HEG1: variants seen among roughly 807,000 people sequenced by gnomAD.
HEG1 encodes protein HEG homolog 1.
HEG1 carries 56 observed loss-of-function variants against 125.6 expected under a neutral mutation model. The ratio of observed to expected loss-of-function variants is 0.45; its 90% CI spans 0.36 to 0.56. The LOEUF is 0.56. Ranked by LOEUF, HEG1 falls within the 20% of genes least tolerant of loss-of-function variation. The pLI is 0.00. For missense variants in HEG1, 1,523 were observed against 1,670.0 expected, an observed-to-expected ratio of 0.91 and a Z score of 1.53; for synonymous variants, 644 against 668.5, an observed-to-expected ratio of 0.96 and a Z score of 0.57.
At chr3:125,028,809 C>T (rs1221606178) in intron 2 of HEG1, among the ~76,000 whole-genome samples, 2 of 152,178 alleles carry the variant, frequency 1.3e-5, no homozygotes, top group Non-Finnish European at 2.9e-5. Flanking sequence ...AATAGCAAAC[C>T]ACCAAGCTGT....
rs1937922323 is a variant in HEG1, at chr3:125,055,688, G to A, written c.203C>T (p.Pro68Leu). The A allele has an allele frequency of 9.0e-6, 10 of 1,115,704 alleles. No homozygotes were observed. The highest frequency in any genetic ancestry group is 1.7e-5 in the African/African-American group (1 of 60,088). The allele number at this position is 1,115,704 out of a possible 1,614,324, so 69.1% of individuals were successfully genotyped here. Residue 68 changes from proline (P) to leucine (L), a missense_variant, in exon 1 of 17, where the codon CCG (proline) becomes CTG (leucine). By Grantham distance (98) the Pro-to-Leu change is moderately conservative. Coordinates refer to ENST00000311127, the MANE Select transcript of HEG1 (RefSeq NM_020733.2). ...RRPEREPPPTPPRERRGPATP... is the reference protein window; with the variant it reads ...RRPEREPPPTLPRERRGPATP... ...CGCGGGCCCGCGGCGCTCCCGGGGC[G>A]GCGTGGGCGGCGGCTCGCGCTCCGG...
rs769007614 is a variant in HEG1, at chr3:125,055,810, GGCC to G, written c.78_80del (p.Ala27del). 3,504 of 981,274 alleles carry G rather than the reference GGCC, an allele frequency of 3.6e-3. 88 individuals carry two copies. The East Asian group carries it at 0.11, about 32-fold the overall frequency. The allele number at this position is 981,274 out of a possible 1,614,324, so 60.8% of individuals were successfully genotyped here. A position where few individuals can be genotyped will look rare whatever the true frequency, so the allele number is the denominator to read the frequency against. On this transcript the variant is annotated inframe_deletion, in exon 1 of 17. Coordinates refer to ENST00000311127, the MANE Select transcript of HEG1 (RefSeq NM_020733.2). The stretch of plus-strand genomic sequence containing the variant: ...AAGGCGGCGGGTCCCGCGTCCCGGG[GGCC>G]GCCGGCGGCAGCAGCAGCAGCGGCA...
At chr3:125,050,424 G>A (rs544159455) in intron 1 of HEG1, among the ~76,000 whole-genome samples, 92 of 152,248 alleles carry the variant, frequency 6.0e-4, no homozygotes, top group African/African-American at 2.0e-3. Flanking sequence ...GATTACAGGC[G>A]TGAGCCATCA....
intron 5 of HEG1, among the ~76,000 whole-genome samples, chr3:125,017,380 T>C (rs1489060081): frequency 6.6e-6 from 1 of 152,148 alleles, no homozygotes; most frequent in Non-Finnish European, 1.5e-5. Flanking sequence ...AATTTAATAA[T>C]AAAAAGTCAA....
rs558880208 is a variant in HEG1 at position 124,978,000 on chromosome 3, G to T, written c.3734-54C>A. On this transcript the variant is annotated intron_variant, in intron 14 of 16. Coordinates refer to ENST00000311127, the MANE Select transcript of HEG1 (RefSeq NM_020733.2). ...TTGGCTGGAGGTAATGAAGGAATGA[G>T]TGAGTTCTCAAGAATGGTCTCCCCT... 81 of 1,347,308 alleles carry T rather than the reference G, an allele frequency of 6.0e-5. 1 individual carries two copies. The South Asian group carries it at 9.4e-4, about 16-fold the overall frequency. 83.5% of individuals were successfully genotyped at this position (1,347,308 alleles called of 1,614,324 possible). A position where few individuals can be genotyped will look rare whatever the true frequency, so the allele number is the denominator to read the frequency against.
chr3:124,984,141 T>C (rs369091729), intron 14 of HEG1, among the ~76,000 whole-genome samples: 38 of 152,262 alleles, frequency 2.5e-4, no homozygotes, highest in African/African-American at 7.7e-4. Flanking sequence ...TGAACACAAC[T>C]GAAAGACACC....
chr3:125,024,190 A>G (rs968099492), intron 3 of HEG1, among the ~76,000 whole-genome samples: 9 of 152,224 alleles, frequency 5.9e-5, no homozygotes, highest in Middle Eastern at 3.2e-3. Context: ...CAATTTCCAC[A>G]AAACAGCAAT....
At position 125,013,368 on chromosome 3, in the gene HEG1, G is replaced by T. The variant is rs202031121; in HGVS notation, c.2211C>A (p.Thr737=). Residue 737 remains threonine (T), a synonymous_variant, in exon 6 of 17, where the codon ACC becomes ACA. Coordinates refer to ENST00000311127, the MANE Select transcript of HEG1 (RefSeq NM_020733.2). ...CAGGGGTAGAAGATGACTGTGGCAA[G>T]GTTGTTTGTGAGACAGAAAGTGGGG... The part of the protein sequence containing the change: ...TSAPLSVSQT[T]LPQSSSTPVL... 288 of 1,613,878 alleles carry T rather than the reference G, an allele frequency of 1.8e-4. 1 individual carries two copies. Among genetic ancestry groups the T allele is most frequent in the Middle Eastern group, 1.2e-3 (7 of 6,084 alleles).
intron 16 of HEG1, among the ~76,000 whole-genome samples, chr3:124,971,371 G>A (rs1224035319): frequency 6.6e-6 from 1 of 152,112 alleles, no homozygotes; most frequent in Non-Finnish European, 1.5e-5. Flanking sequence ...TCTACAGACT[G>A]CTCAGCCAGC....
chr3:124,999,058 G>A (rs1372566840), intron 11 of HEG1, among the ~76,000 whole-genome samples: 1 of 152,186 alleles, frequency 6.6e-6, no homozygotes, highest in East Asian at 1.9e-4. Flanking sequence ...GCCCAGGCAG[G>A]TTTTGGTGAC....
intron 5 of HEG1, among the ~76,000 whole-genome samples, chr3:125,015,255 T>G (rs1018073198): frequency 2.6e-5 from 4 of 152,166 alleles, no homozygotes; most frequent in African/African-American, 2.4e-5. Flanking sequence ...CTTTAGCAAA[T>G]AGGATCGATA....
intron 8 of HEG1, among the ~76,000 whole-genome samples, chr3:125,007,311 T>C (rs901372168): frequency 1.3e-5 from 2 of 151,374 alleles, no homozygotes; most frequent in African/African-American, 4.9e-5. Flanking sequence ...TATAAAGATA[T>C]ATCAGTTTCA....
Position 124,970,459 on chromosome 3 carries a change from C to G in HEG1, c.*193G>C, listed in dbSNP as rs1936404202. The G allele has an allele frequency of 6.9e-6, 4 of 579,232 alleles. No individual in the cohort carries two copies. The Admixed American group carries it at 1.2e-4, about 18-fold the overall frequency. The allele number at this position is 579,232 out of a possible 1,614,324, so 35.9% of individuals were successfully genotyped here. A position where few individuals can be genotyped will look rare whatever the true frequency, so the allele number is the denominator to read the frequency against. On this transcript the variant is annotated 3_prime_UTR_variant, in exon 17 of 17. Transcript: ENST00000311127. ...CACGTTCACAGTAACAACAAAGGTG[C>G]TGAATGAGCAGCCTGTGGTTCCACA...
chr3:125,005,423 C>T (rs1937058870), intron 8 of HEG1, 55 bp from the exon 9 acceptor site: 2 of 979,028 alleles, frequency 2.0e-6, no homozygotes, highest in Non-Finnish European at 1.5e-6. Flanking sequence ...CTATGCAAGG[C>T]TGTGTGTTTG....
intron 6 of HEG1, among the ~76,000 whole-genome samples, chr3:125,010,966 C>T (rs537616539): frequency 5.3e-5 from 8 of 152,326 alleles, no homozygotes; most frequent in Admixed American, 2.0e-4. Context: ...ACTCTGTATA[C>T]GTGTGTCTGT....
At chr3:125,020,290 G>C (rs60126903) in intron 4 of HEG1, among the ~76,000 whole-genome samples, 71,404 of 151,952 alleles carry the variant, frequency 0.47, 17,553 homozygotes, top group Middle Eastern at 0.63. Context: ...GCTGGATGGA[G>C]TGGCATGCAC....
chr3:125,055,967 G>A lies in HEG1; in HGVS notation c.-77C>T, dbSNP rs1419110022. The stretch of plus-strand genomic sequence containing the variant: ...CGGGCAGCGGGCAGCGGGCGGCGGG[G>A]GCCGCGCGGGGCCGGGGAAGTGAGC... On this transcript the variant is annotated 5_prime_UTR_variant, in exon 1 of 17. Coordinates refer to ENST00000311127, the MANE Select transcript of HEG1 (RefSeq NM_020733.2). 2 of 233,458 alleles carry A rather than the reference G, an allele frequency of 8.6e-6. No homozygotes were observed. Among genetic ancestry groups the A allele is most frequent in the South Asian group, 1.7e-4 (1 of 5,910 alleles). 14.5% of individuals were successfully genotyped at this position (233,458 alleles called of 1,614,324 possible). A position where few individuals can be genotyped will look rare whatever the true frequency, so the allele number is the denominator to read the frequency against.
At chr3:125,050,983 A>C (rs1199857009) in intron 1 of HEG1, among the ~76,000 whole-genome samples, 1 of 152,168 alleles carries the variant, frequency 6.6e-6, no homozygotes, top group Non-Finnish European at 1.5e-5. Flanking sequence ...CTCGCCTCCT[A>C]CTGGGCAGGT....
At chr3:125,036,387 T>TA (rs1401508127) in intron 1 of HEG1, among the ~76,000 whole-genome samples, 1 of 151,970 alleles carries the variant, frequency 6.6e-6, no homozygotes, top group Non-Finnish European at 1.5e-5. Flanking sequence ...ATTACTAAGA[T>TA]AATCAGTTAA....
Sources: allele counts gnomAD v4.1 joint callset (sites outside exome capture counted in the v4.1 genomes callset), GRCh38; gene constraint gnomAD v4.1.1; transcripts MANE v1.5; gene names NCBI Gene and HGNC (gene_info 2026-07-23, HGNC 2026-07-21).